The following NRXN3 variants were observed in gnomAD, a reference collection of about 807,000 sequenced individuals.
NRXN3 encodes the protein neurexin III.
A neutral mutation model predicts 137.6 loss-of-function variants in NRXN3; 32 were observed. The ratio of observed to expected loss-of-function variants is 0.23; its 90% CI spans 0.18 to 0.31. NRXN3 has a LOEUF of 0.31. Ranked by LOEUF, NRXN3 falls within the 10% of genes least tolerant of loss-of-function variation. The pLI is 1.00. For synonymous variants in NRXN3, 798 were observed against 784.5 expected, an observed-to-expected ratio of 1.02 and a Z score of -0.29; for missense variants, 1,574 against 2,062.5, an observed-to-expected ratio of 0.76 and a Z score of 4.59.
chr14:79,161,720 A>G (rs1012491334), intron 15 of NRXN3, among the ~76,000 whole-genome samples: 1 of 151,960 alleles, frequency 6.6e-6, no homozygotes, highest in Non-Finnish European at 1.5e-5. Flanking sequence ...ACGTGTGACT[A>G]AAATGGCAAA....
intron 1 of NRXN3, among the ~76,000 whole-genome samples, chr14:78,224,532 T>G (rs1273117143): frequency 1.3e-5 from 2 of 152,028 alleles, no homozygotes; most frequent in African/African-American, 4.8e-5. Flanking sequence ...GGTGTTTGGT[T>G]TTTTGTCCTT....
chr14:79,217,317 G>T (rs2068709290), intron 15 of NRXN3, among the ~76,000 whole-genome samples: 1 of 152,114 alleles, frequency 6.6e-6, no homozygotes, highest in African/African-American at 2.4e-5. Context: ...GGAGCAAGAG[G>T]AGTAGTGGGG....
chr14:78,652,433 C>G (rs981501416), intron 6 of NRXN3, among the ~76,000 whole-genome samples: 37 of 152,324 alleles, frequency 2.4e-4, no homozygotes, highest in African/African-American at 8.4e-4. Context: ...TTTGGTAGAG[C>G]TCTTTCAGAA....
intron 15 of NRXN3, among the ~76,000 whole-genome samples, chr14:79,408,430 G>A (rs2095354656): frequency 6.6e-6 from 1 of 152,064 alleles, no homozygotes; most frequent in African/African-American, 2.4e-5. Context: ...ATGGTTTGAA[G>A]GATTCCTAAC....
In NRXN3 at chr14:78,651,665, G is replaced by A. The variant is rs551643951; in HGVS notation, c.1221+339G>A. ...CACAATCATGGCAGAAGGCAAGGAG[G>A]AGCAAGTCACATCTTACATGGTGGC... On this transcript the variant is annotated intron_variant, in intron 6 of 20. Transcript: ENST00000335750. 4.2e-4 allele frequency among the ~76,000 whole-genome samples: 64 copies of A among 152,310 alleles called. 4 individuals are homozygous for A. In the South Asian group the frequency reaches 0.013, roughly 30 times the overall value.
At chr14:79,422,106 C>G (rs2095585304) in intron 15 of NRXN3, among the ~76,000 whole-genome samples, 2 of 152,188 alleles carry the variant, frequency 1.3e-5, no homozygotes, top group Admixed American at 1.3e-4. Context: ...GTCACCCAGG[C>G]TGGAATGCAG....
intron 8 of NRXN3, among the ~76,000 whole-genome samples, chr14:78,772,719 A>G (rs2098732423): frequency 6.6e-6 from 1 of 152,150 alleles, no homozygotes; most frequent in Admixed American, 6.5e-5. Flanking sequence ...CATTTCTAGC[A>G]AGCTCCCAGG....
chr14:78,441,309 G>A (rs566896529), intron 4 of NRXN3, among the ~76,000 whole-genome samples: 118 of 151,990 alleles, frequency 7.8e-4, no homozygotes, highest in Non-Finnish European at 1.2e-3. Context: ...TTCTAAATAT[G>A]TCTTTTTAAC....
At chr14:79,467,897 C>A (rs1706069387) in intron 16 of NRXN3, among the ~76,000 whole-genome samples, 1 of 152,174 alleles carries the variant, frequency 6.6e-6, no homozygotes, top group African/African-American at 2.4e-5. Context: ...ACAGACAATA[C>A]ATTTTTTTGA....
rs537535059 is a variant in NRXN3, at chr14:78,892,704, T to G, written c.2276-64538T>G. ...AGGTTATGGCTGGAATCATGTTATCTCTGCTCTTTCTTGACTATTCTGACA... is the reference window on the plus strand; with the variant it reads ...AGGTTATGGCTGGAATCATGTTATCGCTGCTCTTTCTTGACTATTCTGACA... On this transcript the variant is annotated intron_variant, in intron 10 of 20. Transcript: ENST00000335750. Among the ~76,000 whole-genome samples the G allele has an allele frequency of 9.6e-4, 145 of 151,374 alleles. 2 individuals carry two copies. The highest frequency in any genetic ancestry group is 3.1e-3 in the African/African-American group (129 of 40,998).
intron 4 of NRXN3, among the ~76,000 whole-genome samples, chr14:78,456,809 C>CTT: frequency 8.8e-6 from 1 of 113,514 alleles, no homozygotes; most frequent in Non-Finnish European, 2.0e-5. Flanking sequence ...CTCTTTCTTT[C>CTT]TTTCTTTCTT....
intron 1 of NRXN3, 35 bp downstream of exon 1, chr14:78,170,709 A>C (rs902227239): frequency 6.6e-6 from 1 of 152,288 alleles, no homozygotes; most frequent in Non-Finnish European, 1.5e-5. Flanking sequence ...CAGTCAGGGC[A>C]TGAAACAACT....
intron 16 of NRXN3, chr14:79,611,858 A>G (rs920021185): frequency 6.6e-6 from 1 of 152,242 alleles, no homozygotes; most frequent in Non-Finnish European, 1.5e-5. Context: ...TCTGAGGATT[A>G]AATTAAAATA....
chr14:78,764,208 A>G (rs1375896050), intron 8 of NRXN3, among the ~76,000 whole-genome samples: 5 of 152,214 alleles, frequency 3.3e-5, no homozygotes, highest in Admixed American at 1.3e-4. Context: ...TAGAGGGAGG[A>G]AAGCCAAACA....
chr14:78,222,233 C>T (rs1014410969), intron 1 of NRXN3, among the ~76,000 whole-genome samples: 5 of 152,038 alleles, frequency 3.3e-5, no homozygotes, highest in South Asian at 2.1e-4. Context: ...GGGAAGAATT[C>T]GAAAGAGGCA....
At chr14:79,611,143 G>T (rs1489150582) in intron 16 of NRXN3, among the ~76,000 whole-genome samples, 3 of 152,200 alleles carry the variant, frequency 2.0e-5, no homozygotes, top group Admixed American at 6.5e-5. Context: ...TTTAAAAAGT[G>T]AAGGAGCAAC....
chr14:79,134,269 G>A (rs531575432), intron 15 of NRXN3, among the ~76,000 whole-genome samples: 91 of 152,158 alleles, frequency 6.0e-4, no homozygotes, highest in Admixed American at 2.6e-3. Context: ...AGCTAAGAAA[G>A]ATTAAGACTT....
At chr14:79,413,011 A>G (rs1417499311) in intron 15 of NRXN3, among the ~76,000 whole-genome samples, 1 of 152,148 alleles carries the variant, frequency 6.6e-6, no homozygotes, top group Non-Finnish European at 1.5e-5. Context: ...TGAGTCATCA[A>G]ATTGATTTGA....
At chr14:78,472,515 T>C (rs1298766739) in intron 4 of NRXN3, among the ~76,000 whole-genome samples, 1 of 152,200 alleles carries the variant, frequency 6.6e-6, no homozygotes, top group African/African-American at 2.4e-5. Context: ...CATTAAAACA[T>C]TGAAGAGAAC....
Sources: allele counts gnomAD v4.1 joint callset (sites outside exome capture counted in the v4.1 genomes callset), GRCh38; gene constraint gnomAD v4.1.1; transcripts MANE v1.5; gene names NCBI Gene and HGNC (gene_info 2026-07-23, HGNC 2026-07-21).